The following TANC1 variants were observed in gnomAD, a reference collection of about 807,000 sequenced individuals.
TANC1 encodes the protein tetratricopeptide repeat, ankyrin repeat and coiled-coil containing 1, also known as protein TANC1.
A neutral mutation model predicts 149.7 loss-of-function variants in TANC1; 77 were observed. The observed-to-expected ratio is 0.51, with a 90% confidence interval of 0.43 to 0.62. TANC1 has a LOEUF of 0.62. Ranked by LOEUF, TANC1 falls within the 20% of genes least tolerant of loss-of-function variation. The pLI is 0.00. For synonymous variants in TANC1, 854 were observed against 925.0 expected (o/e 0.92, Z 1.39); for missense variants, 1,985 against 2,321.8 (o/e 0.85, Z 2.98).
At chr2:159,048,112 T>C (rs1024394122) in intron 2 of TANC1, among the ~76,000 whole-genome samples, 1 of 152,186 alleles carries the variant, frequency 6.6e-6, no homozygotes, top group Non-Finnish European at 1.5e-5. Flanking sequence ...AAGCACAGTA[T>C]AGTTGGGGTT....
intron 3 of TANC1, among the ~76,000 whole-genome samples, chr2:159,076,237 A>G (rs889465778): frequency 2.0e-5 from 3 of 152,182 alleles, no homozygotes; most frequent in Non-Finnish European, 4.4e-5. Flanking sequence ...TGACTTATCC[A>G]GAAAGCTTCT....
At chr2:159,066,007 A>G (rs773099946) in intron 3 of TANC1, 36 bp downstream of exon 3, 18 of 1,544,578 alleles carry the variant, frequency 1.2e-5, no homozygotes, top group Non-Finnish European at 1.5e-5. Context: ...AGCCATGGAC[A>G]GCGGGCAGCA....
chr2:159,115,177 T>C (rs1251039557), intron 4 of TANC1, among the ~76,000 whole-genome samples: 1 of 150,922 alleles, frequency 6.6e-6, no homozygotes, highest in African/African-American at 2.5e-5. Flanking sequence ...TAAGGGTGTG[T>C]GTGTGTGTGT....
chr2:159,004,121 A>C, intron 2 of TANC1: 1 of 1,612,182 alleles, frequency 6.2e-7, no homozygotes, highest in Admixed American at 1.7e-5. Context: ...CAGAAGCCAA[A>C]CCAATCACAG....
Position 159,231,114 on chromosome 2 carries a change from T to A in TANC1, c.*102T>A, listed in dbSNP as rs936260427. The A allele has an allele frequency of 8.7e-6, 9 of 1,039,374 alleles. No homozygotes were observed. The highest frequency in any genetic ancestry group is 1.2e-5 in the Non-Finnish European group (9 of 726,750). 64.4% of individuals were successfully genotyped at this position (1,039,374 alleles called of 1,614,324 possible). A position where few individuals can be genotyped will look rare whatever the true frequency, so the allele number is the denominator to read the frequency against. On this transcript the variant is annotated 3_prime_UTR_variant, in exon 27 of 27. Transcript: ENST00000263635. ...CAGAAAAATTATTTTTTAGCCATTTTTTTTCTTTGGGGTGGATCTGATGCC... is the reference window on the plus strand; with the variant it reads ...CAGAAAAATTATTTTTTAGCCATTTATTTTCTTTGGGGTGGATCTGATGCC...
chr2:159,070,925 G>A (rs1424709721), intron 3 of TANC1, among the ~76,000 whole-genome samples: 4 of 151,986 alleles, frequency 2.6e-5, no homozygotes, highest in Non-Finnish European at 5.9e-5. Context: ...TTTTCTACTG[G>A]TCTCCAAGAA....
At chr2:159,214,752 CT>C (rs1180960578) in intron 19 of TANC1, among the ~76,000 whole-genome samples, 1 of 152,222 alleles carries the variant, frequency 6.6e-6, no homozygotes, top group Admixed American at 6.5e-5. Context: ...GAATCAGCTC[CT>C]GACTTGTTAC....
rs1469574807 is a variant in TANC1, at chr2:159,127,627, A to G, written c.260-8567A>G. Among the ~76,000 whole-genome samples the G allele has an allele frequency of 5.3e-5, 8 of 152,260 alleles. No homozygotes were observed. The East Asian group carries it at 1.3e-3, about 26-fold the overall frequency. On this transcript the variant is annotated intron_variant, in intron 4 of 26. Coordinates refer to ENST00000263635, the MANE Select transcript of TANC1 (RefSeq NM_033394.3). ...CATAGAATACTATGCAGCCACAAAAAGGAACAAGATCATGTCCTTTGCAGG... is the reference window on the plus strand; with the variant it reads ...CATAGAATACTATGCAGCCACAAAAGGGAACAAGATCATGTCCTTTGCAGG...
intron 16 of TANC1, among the ~76,000 whole-genome samples, chr2:159,192,182 T>C (rs2057494121): frequency 6.6e-6 from 1 of 152,216 alleles, no homozygotes; most frequent in Non-Finnish European, 1.5e-5. Context: ...CTAGCAGTAT[T>C]ATGCTGCGGA....
rs2150053386 is a variant in TANC1 at position 159,115,699 on chromosome 2, G to T, written c.259+17865G>T. On this transcript the variant is annotated intron_variant, in intron 4 of 26. Coordinates refer to ENST00000263635, the MANE Select transcript of TANC1 (RefSeq NM_033394.3). ...CTCATTTTTTGCATGCCATTGGGAA[G>T]CTTGCCGAGCTCTAGCTTGGTTTTC... Among the ~76,000 whole-genome samples, 3 of 152,246 alleles carry T rather than the reference G, an allele frequency of 2.0e-5. No homozygotes were observed. The South Asian group carries it at 6.2e-4, about 32-fold the overall frequency.
chr2:159,055,853 G>C (rs778154498), intron 2 of TANC1, among the ~76,000 whole-genome samples: 5 of 152,180 alleles, frequency 3.3e-5, no homozygotes, highest in Non-Finnish European at 7.3e-5. Context: ...AGTCAGAGAA[G>C]GGAATTGCAC....
chr2:159,027,345 C>G (rs2039431007), intron 2 of TANC1, among the ~76,000 whole-genome samples: 1 of 152,182 alleles, frequency 6.6e-6, no homozygotes, highest in Non-Finnish European at 1.5e-5. Flanking sequence ...TGCCCTCAAG[C>G]TCTGCATTTC....
chr2:159,167,367 G>T lies in TANC1; in HGVS notation c.947-1883G>T, dbSNP rs17576465. On this transcript the variant is annotated intron_variant, in intron 8 of 26. Transcript: ENST00000263635. ...TTCCAAGCTGTGTTACTGTAGGGAGGTAAGAAGGTTTGGGGAAGACAGTGT... is the reference window on the plus strand; with the variant it reads ...TTCCAAGCTGTGTTACTGTAGGGAGTTAAGAAGGTTTGGGGAAGACAGTGT... Among the ~76,000 whole-genome samples, 922 of 152,326 alleles carry T rather than the reference G, an allele frequency of 6.1e-3. 27 individuals carry two copies. The highest frequency in any genetic ancestry group is 0.046 in the East Asian group (236 of 5,180).
chr2:159,219,519 T>C, intron 21 of TANC1, 158 bp downstream of exon 21: 1 of 1,227,834 alleles, frequency 8.1e-7, no homozygotes, highest in Non-Finnish European at 1.2e-6. Context: ...ACATGCCTGG[T>C]ATTCCTCTTC....
intron 3 of TANC1, among the ~76,000 whole-genome samples, chr2:159,094,298 G>C (rs189254710): frequency 6.6e-6 from 1 of 152,292 alleles, no homozygotes; most frequent in African/African-American, 2.4e-5. Flanking sequence ...ACCTCTTCAA[G>C]GTCCCCCACA....
At chr2:159,015,213 G>A (rs1475494954) in intron 2 of TANC1, among the ~76,000 whole-genome samples, 2 of 152,204 alleles carry the variant, frequency 1.3e-5, no homozygotes, top group Non-Finnish European at 2.9e-5. Flanking sequence ...CTCAGTTCTT[G>A]ACTTCTGTGC....
At chr2:159,025,188 C>CT (rs375353302) in intron 2 of TANC1, among the ~76,000 whole-genome samples, 1 of 52,172 alleles carries the variant, frequency 1.9e-5, no homozygotes, top group African/African-American at 6.1e-5. Flanking sequence ...CTTTTTCTTT[C>CT]TTTTCTTTCT....
intron 2 of TANC1, among the ~76,000 whole-genome samples, chr2:159,052,184 A>C (rs2041526789): frequency 6.6e-6 from 1 of 152,230 alleles, no homozygotes; most frequent in Non-Finnish European, 1.5e-5. Flanking sequence ...AACAGCGTGT[A>C]TTAAAAACAC....
chr2:159,176,127 G>T (rs1249661060), intron 12 of TANC1, among the ~76,000 whole-genome samples: 2 of 152,206 alleles, frequency 1.3e-5, no homozygotes, highest in Admixed American at 1.3e-4. Flanking sequence ...GCTAACATGT[G>T]TCATGCAATA....
Sources: gnomAD v4.1 joint callset for allele counts (sites outside exome capture counted in the v4.1 genomes callset) on GRCh38, gnomAD v4.1.1 for gene constraint, MANE v1.5 for transcripts, NCBI Gene and HGNC (gene_info 2026-07-23, HGNC 2026-07-21) for gene names.